CD48: variants seen among roughly 807,000 people sequenced by gnomAD.
The protein encoded by CD48 is CD48 antigen.
CD48 carries 20 observed loss-of-function variants against 22.0 expected under a neutral mutation model. The observed-to-expected ratio is 0.91, with a 90% CI of 0.64 to 1.32. CD48 has a LOEUF of 1.32. Among genes scored for constraint, CD48 ranks in the 40% most tolerant of loss-of-function variants. The probability of loss-of-function intolerance (pLI) is 0.00; values close to 1 mark genes in which losing one functional copy is unlikely to be tolerated. For synonymous variants in CD48, 110 were observed against 110.1 expected, an observed-to-expected ratio of 1.00 and a Z score of 0.01; for missense variants, 307 against 286.5, an observed-to-expected ratio of 1.07 and a Z score of -0.52.
intron 1 of CD48, among the ~76,000 whole-genome samples, chr1:160,710,018 CAGGGAGAGGGCAGG>C (rs1468957767): frequency 1.3e-5 from 2 of 152,076 alleles, no homozygotes; most frequent in Non-Finnish European, 2.9e-5. Context: ...AAAAGAGAGG[CAGGGAGAGGGCAGG>C]AGGGAGAGAA....
intron 1 of CD48, chr1:160,686,693 G>T (rs886307283): frequency 6.6e-6 from 1 of 152,112 alleles, no homozygotes; most frequent in African/African-American, 2.4e-5. Flanking sequence ...ATCACATGTC[G>T]GTAGGTTCCG....
At chr1:160,692,041 G>C (rs1662239859) in intron 1 of CD48, 1 of 175,170 alleles carries the variant, frequency 5.7e-6, no homozygotes, top group Non-Finnish European at 1.2e-5. Flanking sequence ...ATGGTTTCCA[G>C]AACAAGGAAA....
chr1:160,689,370 G>A (rs12117768), intron 1 of CD48, among the ~76,000 whole-genome samples: 43,116 of 151,964 alleles, frequency 0.28, 6,989 homozygotes, highest in Non-Finnish European at 0.38. Flanking sequence ...GGAGGAAAAG[G>A]CACATAAGCC....
chr1:160,698,687 TATA>T (rs1214803900), intron 1 of CD48, among the ~76,000 whole-genome samples: 3 of 152,084 alleles, frequency 2.0e-5, no homozygotes, highest in Admixed American at 2.0e-4. Context: ...ACCCCAAATT[TATA>T]ATGAGTCTGA....
At chr1:160,691,932 T>C in intron 1 of CD48, 1 of 265,012 alleles carries the variant, frequency 3.8e-6, no homozygotes, top group Middle Eastern at 1.2e-3. Flanking sequence ...AATATGCCTC[T>C]TATCTTAGCT....
At position 160,682,979 on chromosome 1, in the gene CD48, T is replaced by G. The variant is rs552841674; in HGVS notation, c.386-1511A>C. Among the ~76,000 whole-genome samples the G allele has an allele frequency of 3.3e-5, 5 of 152,298 alleles. No individual in the cohort carries two copies. In the South Asian group the frequency reaches 1.0e-3, roughly 32 times the overall value. On this transcript the variant is annotated intron_variant, in intron 2 of 3. Transcript: ENST00000368046. Reference sequence around the variant, plus strand: ...ACCAGATCAGAGCTTGCCTCTTGGTTGTATGTGTGGAGAGGCTCTAGAAGC... The same window carrying G: ...ACCAGATCAGAGCTTGCCTCTTGGTGGTATGTGTGGAGAGGCTCTAGAAGC...
chr1:160,679,261 C>T (rs1016435028), intron 3 of CD48, 130 bp from the exon 4 acceptor site: 2 of 685,424 alleles, frequency 2.9e-6, no homozygotes, highest in Middle Eastern at 2.4e-4. Flanking sequence ...CCCTGAATCC[C>T]ATCCTATTTG....
At chr1:160,686,934 C>T (rs1238740630) in intron 1 of CD48, among the ~76,000 whole-genome samples, 1 of 152,134 alleles carries the variant, frequency 6.6e-6, no homozygotes, top group Admixed American at 6.5e-5. Context: ...TATCAGGAGA[C>T]AGGGTTTTGA....
intron 1 of CD48, among the ~76,000 whole-genome samples, chr1:160,701,395 A>C (rs1662625692): frequency 6.6e-6 from 1 of 151,916 alleles, no homozygotes; most frequent in Non-Finnish European, 1.5e-5. Context: ...AAACCAATTG[A>C]TTTAAAGCCT....
intron 1 of CD48, among the ~76,000 whole-genome samples, chr1:160,711,141 A>G (rs1662933417): frequency 6.6e-6 from 1 of 152,192 alleles, no homozygotes. Flanking sequence ...ATGCTGAAGC[A>G]CTTCCAGCCT....
At chr1:160,701,626 G>A (rs1265399967) in intron 1 of CD48, among the ~76,000 whole-genome samples, 8 of 152,124 alleles carry the variant, frequency 5.3e-5, no homozygotes, top group Non-Finnish European at 1.2e-4. Flanking sequence ...GAAGAGTTAT[G>A]TGGAATATTA....
intron 1 of CD48, among the ~76,000 whole-genome samples, chr1:160,694,891 G>T (rs1415872731): frequency 1.3e-5 from 2 of 152,268 alleles, no homozygotes; most frequent in Non-Finnish European, 2.9e-5. Context: ...TGAACAGTTA[G>T]AAAAGGGACA....
At chr1:160,681,549 T>C in intron 2 of CD48, 81 bp from the exon 3 acceptor site, 1 of 1,537,256 alleles carries the variant, frequency 6.5e-7, no homozygotes, top group South Asian at 1.2e-5. Context: ...AACAAAGGGA[T>C]CCAGGGAAGG....
At chr1:160,709,568 T>A (rs890472054) in intron 1 of CD48, among the ~76,000 whole-genome samples, 1 of 152,140 alleles carries the variant, frequency 6.6e-6, no homozygotes, top group African/African-American at 2.4e-5. Flanking sequence ...AGATGGGGAA[T>A]TGGGTAGTTG....
intron 1 of CD48, among the ~76,000 whole-genome samples, chr1:160,697,669 A>C (rs1442154655): frequency 6.6e-6 from 1 of 152,252 alleles, no homozygotes; most frequent in African/African-American, 2.4e-5. Context: ...CTAAAGGGAA[A>C]ACTTGCCCCA....
At chr1:160,687,405 G>A (rs1023098842) in intron 1 of CD48, among the ~76,000 whole-genome samples, 2 of 152,204 alleles carry the variant, frequency 1.3e-5, no homozygotes, top group Non-Finnish European at 2.9e-5. Flanking sequence ...TTAAAGTAAA[G>A]ACAGGCATAG....
At chr1:160,707,816 C>T (rs985212145) in intron 1 of CD48, among the ~76,000 whole-genome samples, 7 of 152,146 alleles carry the variant, frequency 4.6e-5, no homozygotes, top group African/African-American at 7.2e-5. Context: ...CCTTTGCTCC[C>T]TCCCTCCATC....
chr1:160,685,742 T>C (rs1661974954), intron 1 of CD48, among the ~76,000 whole-genome samples: 1 of 152,208 alleles, frequency 6.6e-6, no homozygotes, highest in African/African-American at 2.4e-5. Context: ...CCCCTTCACC[T>C]TCTGAAGGTT....
intron 1 of CD48, among the ~76,000 whole-genome samples, chr1:160,710,657 G>A (rs1429676372): frequency 6.6e-6 from 1 of 152,054 alleles, no homozygotes; most frequent in Non-Finnish European, 1.5e-5. Flanking sequence ...CAATCCCAAG[G>A]TCATACCAAT....
Sources: allele counts gnomAD v4.1 joint callset (sites outside exome capture counted in the v4.1 genomes callset), GRCh38; gene constraint gnomAD v4.1.1; transcripts MANE v1.5; gene names NCBI Gene and HGNC (gene_info 2026-07-23, HGNC 2026-07-21).